TENM1: variants seen among roughly 807,000 people sequenced by gnomAD.
The protein encoded by TENM1 is teneurin-1.
TENM1 carries 35 observed loss-of-function variants against 174.8 expected under a neutral mutation model. The ratio of observed to expected loss-of-function variants is 0.20; its 90% confidence interval spans 0.15 to 0.27. The LOEUF is 0.27. Ranked by LOEUF, TENM1 falls within the 10% of genes least tolerant of loss-of-function variation. The pLI, the probability that TENM1 is intolerant of heterozygous loss-of-function variation, is 1.00. For synonymous variants in TENM1, 781 were observed against 798.7 expected (o/e 0.98, Z 0.37); for missense variants, 1,633 against 2,130.1 (o/e 0.77, Z 4.59).
At chrX:125,096,763 C>T in the TENM1 span, among the ~76,000 whole-genome samples, 1 of 110,494 alleles carries the variant, frequency 9.1e-6, no homozygotes, top group Non-Finnish European at 1.9e-5. Context: ...CTCCTACCCT[C>T]GAAGTCTGTA....
chrX:124,642,109 G>T, intron 10 of TENM1, 118 bp from the exon 14 acceptor site: 1 of 544,153 alleles, frequency 1.8e-6, no homozygotes, highest in Non-Finnish European at 3.2e-6. Context: ...CATCAATGCT[G>T]CTTTAATTAG....
chrX:124,790,103 C>G (rs762543365), intron 3 of TENM1, among the ~76,000 whole-genome samples: 1 of 111,429 alleles, frequency 9.0e-6, no homozygotes, highest in Admixed American at 9.6e-5. Context: ...TGCAGGGCAA[C>G]TCCCCTTTTT....
chrX:125,125,009 T>C, the TENM1 span, among the ~76,000 whole-genome samples: 9 of 112,469 alleles, frequency 8.0e-5, no homozygotes, highest in African/African-American at 3.2e-5. Flanking sequence ...TAAACAACAA[T>C]GTTAATGATG....
At chrX:124,733,096 G>A (rs2148543577) in intron 4 of TENM1, among the ~76,000 whole-genome samples, 1 of 111,922 alleles carries the variant, frequency 8.9e-6, no homozygotes, top group South Asian at 3.8e-4. Flanking sequence ...TAAAGAAAGA[G>A]ACCAGGAAGG....
At chrX:125,139,105 T>C in the TENM1 span, among the ~76,000 whole-genome samples, 1 of 112,070 alleles carries the variant, frequency 8.9e-6, no homozygotes, top group Non-Finnish European at 1.9e-5. Context: ...GCACTGGGGA[T>C]ACCAATGTTG....
At chrX:124,554,680 T>G (rs749092532) in intron 14 of TENM1, among the ~76,000 whole-genome samples, 22 of 112,205 alleles carry the variant, frequency 2.0e-4, no homozygotes, top group Non-Finnish European at 3.4e-4. Context: ...TATTAAACAC[T>G]GAAGCATGCT....
chrX:124,521,372 C>A (rs1225065828), intron 17 of TENM1, among the ~76,000 whole-genome samples: 1 of 111,743 alleles, frequency 8.9e-6, no homozygotes, highest in Non-Finnish European at 1.9e-5. Context: ...TTTGAAATGA[C>A]CCTGAGGCCA....
At chrX:124,869,457 T>C (rs2057068667) in intron 3 of TENM1, among the ~76,000 whole-genome samples, 1 of 111,400 alleles carries the variant, frequency 9.0e-6, no homozygotes, top group Non-Finnish European at 1.9e-5. Flanking sequence ...GTATATATTG[T>C]ATAGTATATA....
Position 124,463,836 on chromosome X carries a change from GGTGTGTGTGTGTGTGTGTGTGTGTGT to G in TENM1, c.3950-10371_3950-10346del, listed in dbSNP as rs61128914. Among the ~76,000 whole-genome samples, 7 of 90,941 alleles carry G rather than the reference GGTGTGTGTGTGTGTGTGTGTGTGTGT, an allele frequency of 7.7e-5. No homozygotes were observed. In the South Asian group the frequency reaches 4.0e-3, roughly 52 times the overall value. The allele number at this position is 90,941 out of a possible 115,157, so 79.0% of individuals were successfully genotyped here. ...TTTTTCTTTGCTTTATAGAGGTTGG[GGTGTGTGTGTGTGTGTGTGTGTGTGT>G]GTGTGTGTGTGTGTGGAGAGAGAGA... On this transcript the variant is annotated intron_variant, in intron 22 of 31. Coordinates refer to ENST00000422452, the Ensembl canonical transcript of TENM1.
chrX:124,449,938 G>C (rs2061010278), intron 23 of TENM1, among the ~76,000 whole-genome samples: 1 of 110,732 alleles, frequency 9.0e-6, no homozygotes, highest in South Asian at 3.9e-4. Context: ...TAGAGTCAAT[G>C]ACTAAAGCAA....
intron 25 of TENM1, among the ~76,000 whole-genome samples, chrX:124,408,782 TA>T (rs1254301049): frequency 1.6e-4 from 16 of 102,866 alleles, no homozygotes; most frequent in Non-Finnish European, 2.6e-4. Flanking sequence ...ACTCGTCATT[TA>T]ACATTAGGTG....
intron 1 of TENM1, among the ~76,000 whole-genome samples, chrX:124,936,556 G>C (rs1051935199): frequency 8.9e-6 from 1 of 111,815 alleles, no homozygotes; most frequent in Admixed American, 9.5e-5. Context: ...ATTCACCACT[G>C]TACTCAGTGC....
the TENM1 span, among the ~76,000 whole-genome samples, chrX:124,972,803 A>G: frequency 8.9e-6 from 1 of 112,459 alleles, no homozygotes; most frequent in Non-Finnish European, 1.9e-5. Context: ...TGCATGGTAC[A>G]TAGACATTCT....
At chrX:124,825,047 G>A (rs1603231504) in intron 3 of TENM1, among the ~76,000 whole-genome samples, 1 of 109,938 alleles carries the variant, frequency 9.1e-6, no homozygotes, top group East Asian at 2.8e-4. Flanking sequence ...GGAACGTGAC[G>A]AGACACAGGA....
chrX:124,625,899 T>C (rs1354986689), intron 11 of TENM1, among the ~76,000 whole-genome samples: 1 of 111,059 alleles, frequency 9.0e-6, no homozygotes, highest in East Asian at 2.8e-4. Context: ...ACATGAGATT[T>C]GGTGGGGACG....
chrX:124,828,301 T>C (rs1056518205), intron 3 of TENM1, among the ~76,000 whole-genome samples: 22 of 112,157 alleles, frequency 2.0e-4, no homozygotes, highest in African/African-American at 6.8e-4. Flanking sequence ...ATCATCTTAT[T>C]GAAACACATT....
At chrX:125,153,915 C>T in the TENM1 span, among the ~76,000 whole-genome samples, 1 of 112,203 alleles carries the variant, frequency 8.9e-6, no homozygotes, top group Non-Finnish European at 1.9e-5. Flanking sequence ...TATGTTGTAT[C>T]TACTATTGTT....
chrX:124,894,380 A>G, intron 2 of TENM1, 28 bp from the exon 6 acceptor site: 1 of 1,126,138 alleles, frequency 8.9e-7, no homozygotes, highest in Non-Finnish European at 1.2e-6. Flanking sequence ...TCACTAGTTA[A>G]GCCTTGTCCA....
intron 11 of TENM1, among the ~76,000 whole-genome samples, chrX:124,596,835 C>T (rs1282817261): frequency 2.7e-5 from 3 of 110,290 alleles, no homozygotes; most frequent in Non-Finnish European, 5.7e-5. Flanking sequence ...TCATATTTGC[C>T]TTAGAAAGAT....
Sources: gnomAD v4.1 joint callset for allele counts (sites outside exome capture counted in the v4.1 genomes callset) on GRCh38, gnomAD v4.1.1 for gene constraint, MANE v1.5 for transcripts, NCBI Gene and HGNC (gene_info 2026-07-23, HGNC 2026-07-21) for gene names.